TAFA1: variants seen among roughly 807,000 people sequenced by gnomAD.
TAFA1 encodes chemokine-like protein TAFA-1.
Under a neutral mutation model 18.5 loss-of-function variants are expected in TAFA1, and 4 were observed. The ratio of observed to expected loss-of-function variants is 0.22; its 90% CI spans 0.11 to 0.49. The LOEUF (loss-of-function observed/expected upper bound fraction) is 0.49, where lower values mean the gene tolerates loss of function less well. TAFA1 is among the 20% of genes least tolerant of loss of function. The probability of loss-of-function intolerance (pLI) is 0.98; values close to 1 mark genes in which losing one functional copy is unlikely to be tolerated. For synonymous variants in TAFA1, 56 were observed against 55.2 expected (o/e 1.01, Z -0.06); for missense variants, 147 against 169.0 (o/e 0.87, Z 0.72).
chr3:68,518,100 C>T, intron 3 of TAFA1, among the ~76,000 whole-genome samples: 1 of 152,200 alleles, frequency 6.6e-6, no homozygotes, highest in East Asian at 1.9e-4. Context: ...TCCTACTGAT[C>T]CTTTAGCACT....
intron 2 of TAFA1, among the ~76,000 whole-genome samples, chr3:68,410,591 G>T (rs1306164845): frequency 6.7e-6 from 1 of 149,410 alleles, no homozygotes; most frequent in East Asian, 2.0e-4. Flanking sequence ...CTCCATACTA[G>T]CCTGTTCTTT....
At chr3:68,002,640 G>T (rs1704296218), upstream of TAFA1, among the ~76,000 whole-genome samples, 1 of 152,138 alleles carries the variant, frequency 6.6e-6, no homozygotes, top group African/African-American at 2.4e-5. Flanking sequence ...CTATCTTAAT[G>T]TTAAAGAAAT....
At chr3:68,075,855 C>G (rs1266380128) in intron 2 of TAFA1, among the ~76,000 whole-genome samples, 1 of 152,122 alleles carries the variant, frequency 6.6e-6, no homozygotes, top group Non-Finnish European at 1.5e-5. Flanking sequence ...TGCCACCATG[C>G]CTAGCTAAGT....
In TAFA1 at chr3:68,116,172, A is replaced by G. The variant is rs567829352; in HGVS notation, c.118+109428A>G. Among the ~76,000 whole-genome samples the G allele has an allele frequency of 1.2e-4, 18 of 152,212 alleles. No individual in the cohort carries two copies. The East Asian group carries it at 1.5e-3, about 13-fold the overall frequency. ...CGGGAGGCTGAGGCAGGAGAATGGC[A>G]TGAACCCAGGAGACGGAGCTTGCAG... is the stretch of plus-strand genomic sequence containing the variant. On this transcript the variant is annotated intron_variant, in intron 2 of 4. Coordinates refer to ENST00000478136, the MANE Select transcript of TAFA1 (RefSeq NM_213609.4).
chr3:67,993,985 C>T, the TAFA1 span, among the ~76,000 whole-genome samples: 400 of 152,046 alleles, frequency 2.6e-3, 2 homozygotes, highest in Admixed American at 8.5e-3. Context: ...GCAGCCTAGC[C>T]GGGTAGAATT....
In TAFA1 at chr3:68,358,924, T is replaced by A. The variant is rs150354081; in HGVS notation, c.119-58356T>A. On this transcript the variant is annotated intron_variant, in intron 2 of 4. Transcript: ENST00000478136. ...AGAAGTTTAATCCCACCTAAAGCAA[T>A]AATCATCCAACTTGATTTAGAATTA... Among the ~76,000 whole-genome samples the A allele has an allele frequency of 1.4e-3, 208 of 152,074 alleles. 1 individual carries two copies. The highest frequency in any genetic ancestry group is 4.8e-3 in the African/African-American group (199 of 41,530).
At chr3:68,473,825 T>TC (rs1395320965) in intron 3 of TAFA1, among the ~76,000 whole-genome samples, 1 of 152,198 alleles carries the variant, frequency 6.6e-6, no homozygotes, top group Non-Finnish European at 1.5e-5. Context: ...CTCTAGTTAT[T>TC]CCATTAACTA....
At chr3:68,391,309 A>T (rs1441743119) in intron 2 of TAFA1, among the ~76,000 whole-genome samples, 1 of 152,214 alleles carries the variant, frequency 6.6e-6, no homozygotes, top group Non-Finnish European at 1.5e-5. Flanking sequence ...ACAAGATTAG[A>T]GAAAAAAGAG....
chr3:68,536,630 C>T (rs879510926), intron 3 of TAFA1, among the ~76,000 whole-genome samples: 1 of 152,132 alleles, frequency 6.6e-6, no homozygotes, highest in Non-Finnish European at 1.5e-5. Context: ...GTGTAGAAAT[C>T]ATTTTTCAAT....
At chr3:68,013,555 G>A (rs541585111) in intron 2 of TAFA1, among the ~76,000 whole-genome samples, 1 of 152,236 alleles carries the variant, frequency 6.6e-6, no homozygotes, top group African/African-American at 2.4e-5. Context: ...GACTGAAGAG[G>A]CTTCACTTGG....
chr3:68,458,587 A>T (rs937612255), intron 3 of TAFA1, among the ~76,000 whole-genome samples: 5 of 152,142 alleles, frequency 3.3e-5, no homozygotes, highest in African/African-American at 9.7e-5. Context: ...CAGGAATCTG[A>T]TTCTAAGTTT....
Position 68,126,195 on chromosome 3 carries a change from C to T in TAFA1, c.118+119451C>T, listed in dbSNP as rs191136389. ...AAACCGATGTCTTTGTGCAAATCTACTGTAAACTCCATTTGTCCTGTTCCA... is the reference window on the plus strand; with the variant it reads ...AAACCGATGTCTTTGTGCAAATCTATTGTAAACTCCATTTGTCCTGTTCCA... On this transcript the variant is annotated intron_variant, in intron 2 of 4. Coordinates refer to ENST00000478136, the MANE Select transcript of TAFA1 (RefSeq NM_213609.4). Among the ~76,000 whole-genome samples, 28 of 152,326 alleles carry T rather than the reference C, an allele frequency of 1.8e-4. No homozygotes were observed. In the East Asian group the frequency reaches 4.6e-3, roughly 25 times the overall value.
intron 2 of TAFA1, among the ~76,000 whole-genome samples, chr3:68,082,865 C>G (rs2064922463): frequency 6.6e-6 from 1 of 152,078 alleles, no homozygotes; most frequent in Non-Finnish European, 1.5e-5. Context: ...GCTATCGAGT[C>G]CTGGTTGTCA....
intron 2 of TAFA1, among the ~76,000 whole-genome samples, chr3:68,404,973 C>T (rs558520903): frequency 6.6e-6 from 1 of 152,214 alleles, no homozygotes; most frequent in South Asian, 2.1e-4. Flanking sequence ...TCTAAGCCAA[C>T]TCAAAAATGT....
chr3:68,305,195 C>T (rs1477292957), intron 2 of TAFA1, among the ~76,000 whole-genome samples: 2 of 151,456 alleles, frequency 1.3e-5, no homozygotes, highest in Non-Finnish European at 2.9e-5. Context: ...TCTAGTTTCT[C>T]ACTCTGTTGT....
chr3:68,054,642 C>T (rs2064511653), intron 2 of TAFA1, among the ~76,000 whole-genome samples: 1 of 152,198 alleles, frequency 6.6e-6, no homozygotes, highest in Non-Finnish European at 1.5e-5. Flanking sequence ...TTGTCCATGG[C>T]TGCTTTCACA....
chr3:68,249,981 A>G (rs370391510), intron 2 of TAFA1, among the ~76,000 whole-genome samples: 2 of 152,334 alleles, frequency 1.3e-5, no homozygotes, highest in African/African-American at 4.8e-5. Flanking sequence ...AAATGGCTCT[A>G]GAAACATTTA....
chr3:68,520,441 C>T (rs2073003388), intron 3 of TAFA1, among the ~76,000 whole-genome samples: 1 of 152,148 alleles, frequency 6.6e-6, no homozygotes, highest in Non-Finnish European at 1.5e-5. Context: ...CAGCAAGCCT[C>T]GAAAAATACT....
At chr3:68,318,651 T>C (rs2068646035) in intron 2 of TAFA1, among the ~76,000 whole-genome samples, 1 of 152,238 alleles carries the variant, frequency 6.6e-6, no homozygotes, top group South Asian at 2.1e-4. Flanking sequence ...TTACTTTGTT[T>C]CCAGTCTTTA....
Sources: gnomAD v4.1 joint callset for allele counts (sites outside exome capture counted in the v4.1 genomes callset) on GRCh38, gnomAD v4.1.1 for gene constraint, MANE v1.5 for transcripts, NCBI Gene and HGNC (gene_info 2026-07-23, HGNC 2026-07-21) for gene names.